Variants in SIN3A observed in about 807,000 individuals in gnomAD.
The protein encoded by SIN3A is paired amphipathic helix protein Sin3a.
Under a neutral mutation model 146.1 loss-of-function variants are expected in SIN3A, and 14 were observed. The observed-to-expected ratio is 0.10, with a 90% confidence interval of 0.06 to 0.15. The LOEUF (loss-of-function observed/expected upper bound fraction) is 0.15, where lower values mean the gene tolerates loss of function less well. Ranked by LOEUF, SIN3A falls within the 10% of genes least tolerant of loss-of-function variation. SIN3A has a pLI of 1.00. For synonymous variants in SIN3A, 572 were observed against 572.0 expected, an observed-to-expected ratio of 1.00 and a Z score of 0.00; for missense variants, 1,028 against 1,576.0, an observed-to-expected ratio of 0.65 and a Z score of 5.89.
intron 14 of SIN3A, among the ~76,000 whole-genome samples, chr15:75,394,204 C>G (rs1039406411): frequency 2.0e-5 from 3 of 152,162 alleles, no homozygotes; most frequent in African/African-American, 7.2e-5. Flanking sequence ...TGTTTCTATC[C>G]ATCTCCTAAA....
chr15:75,428,126 T>C (rs2073958686), intron 2 of SIN3A, among the ~76,000 whole-genome samples: 1 of 152,150 alleles, frequency 6.6e-6, no homozygotes, highest in Non-Finnish European at 1.5e-5. Flanking sequence ...GGTCAGGACA[T>C]AGAACAGGAA....
chr15:75,404,537 G>T (rs2073471505), intron 9 of SIN3A, among the ~76,000 whole-genome samples: 2 of 152,266 alleles, frequency 1.3e-5, no homozygotes, highest in East Asian at 3.9e-4. Flanking sequence ...AAGGCAGGCG[G>T]ATCACCTGAG....
intron 1 of SIN3A, among the ~76,000 whole-genome samples, chr15:75,433,703 G>A (rs1188189647): frequency 1.3e-5 from 2 of 151,932 alleles, no homozygotes; most frequent in Admixed American, 6.6e-5. Context: ...CTAGCTACTC[G>A]GGAGGCTGAG....
intron 2 of SIN3A, among the ~76,000 whole-genome samples, chr15:75,427,489 A>T (rs2073945137): frequency 6.6e-6 from 1 of 151,364 alleles, no homozygotes; most frequent in Admixed American, 6.6e-5. Context: ...GCGAAACCCC[A>T]TCTCCACTAA....
intron 5 of SIN3A, among the ~76,000 whole-genome samples, chr15:75,412,470 C>T (rs2073658766): frequency 6.6e-6 from 1 of 152,248 alleles, no homozygotes; most frequent in African/African-American, 2.4e-5. Flanking sequence ...TCTGTGCTGT[C>T]AACTACTACT....
rs933801319 is a variant in SIN3A, at chr15:75,371,698, T to G, written c.*281A>C. ...GCTCTGCTGGTGTGTGCAAGCAAAC[T>G]GCATGTCTTTGCTTGCATGGACTTC... On this transcript the variant is annotated 3_prime_UTR_variant, in exon 21 of 21. Transcript: ENST00000394947. 2 of 434,818 alleles carry G rather than the reference T, an allele frequency of 4.6e-6. No individual in the cohort carries two copies. Among genetic ancestry groups the G allele is most frequent in the Non-Finnish European group, 8.3e-6 (2 of 242,184 alleles). The allele number at this position is 434,818 out of a possible 1,614,324, so 26.9% of individuals were successfully genotyped here.
In SIN3A at chr15:75,376,859, T is replaced by TAAAAAAAAAAAA. The variant is rs200318256; in HGVS notation, c.3384-999_3384-988dup. On this transcript the variant is annotated intron_variant, in intron 19 of 20. Transcript: ENST00000394947. ...TGGGACACAGAGCCAGACACTGTCTTAAAAAAAAAAAAAAAAAAAAAAAAC... is the reference window on the plus strand; with the variant it reads ...TGGGACACAGAGCCAGACACTGTCTTAAAAAAAAAAAAAAAAAAAAAAAAAAAAAAAAAAAAC... 2.2e-3 allele frequency among the ~76,000 whole-genome samples: 258 copies of TAAAAAAAAAAAA among 115,752 alleles called. 5 individuals are homozygous for TAAAAAAAAAAAA. Among genetic ancestry groups the TAAAAAAAAAAAA allele is most frequent in the African/African-American group, 7.8e-3 (246 of 31,432 alleles). 75.9% of individuals were successfully genotyped at this position (115,752 alleles called of 152,430 possible).
rs1264939041 is a variant in SIN3A, at chr15:75,401,736, T to A, written c.1526+116A>T. On this transcript the variant is annotated intron_variant, in intron 10 of 20. Transcript: ENST00000394947. ...CTCAGGACTCTTCTGGCACTAACAT[T>A]TGAGTCAACTGATGTATCTCAAGTA... The A allele has an allele frequency of 6.0e-6, 4 of 663,392 alleles. No homozygotes were observed. In the African/African-American group the frequency reaches 7.2e-5, roughly 12 times the overall value. The allele number at this position is 663,392 out of a possible 1,614,324, so 41.1% of individuals were successfully genotyped here.
intron 5 of SIN3A, among the ~76,000 whole-genome samples, chr15:75,411,999 G>C (rs1318606647): frequency 6.6e-6 from 1 of 152,164 alleles, no homozygotes; most frequent in Middle Eastern, 3.2e-3. Context: ...TTACAGGGAA[G>C]AATTTTTCAT....
chr15:75,411,768 C>T (rs1398542886), intron 5 of SIN3A, 25 bp from the exon 6 acceptor site: 2 of 1,557,706 alleles, frequency 1.3e-6, no homozygotes, highest in Non-Finnish European at 1.7e-6. Flanking sequence ...AATCTTTATT[C>T]TCTTCAGATG....
intron 2 of SIN3A, among the ~76,000 whole-genome samples, chr15:75,427,399 G>C (rs1313078966): frequency 6.6e-6 from 1 of 152,108 alleles, no homozygotes; most frequent in African/African-American, 2.4e-5. Context: ...GCCGGGTGCA[G>C]TGGCTCACGC....
At chr15:75,426,602 T>C (rs2073929807) in intron 2 of SIN3A, among the ~76,000 whole-genome samples, 1 of 152,052 alleles carries the variant, frequency 6.6e-6, no homozygotes, top group African/African-American at 2.4e-5. Context: ...AACAGCACAA[T>C]AGTATGTAAT....
intron 19 of SIN3A, among the ~76,000 whole-genome samples, chr15:75,376,646 CAGG>C (rs1422198807): frequency 1.3e-5 from 2 of 151,022 alleles, no homozygotes; most frequent in Non-Finnish European, 2.9e-5. Context: ...TGCTTGAGCT[CAGG>C]AGTTTGAGAC....
At chr15:75,411,144 T>C (rs1408544566) in intron 6 of SIN3A, among the ~76,000 whole-genome samples, 2 of 152,150 alleles carry the variant, frequency 1.3e-5, no homozygotes, top group Non-Finnish European at 2.9e-5. Context: ...CTAGCCAACA[T>C]AGTGAAATCC....
chr15:75,403,000 C>T (rs752970290), intron 9 of SIN3A, among the ~76,000 whole-genome samples: 10 of 152,048 alleles, frequency 6.6e-5, no homozygotes, highest in Non-Finnish European at 1.2e-4. Context: ...AAGGTATCTG[C>T]GATTTGTCTC....
intron 1 of SIN3A, among the ~76,000 whole-genome samples, chr15:75,448,841 A>C (rs774844370): frequency 3.3e-5 from 5 of 152,204 alleles, no homozygotes; most frequent in Non-Finnish European, 5.9e-5. Context: ...CTTCACCAGG[A>C]ATCTTGTCAA....
chr15:75,413,639 G>A (rs2073684112), intron 4 of SIN3A, among the ~76,000 whole-genome samples: 1 of 151,050 alleles, frequency 6.6e-6, no homozygotes, highest in East Asian at 2.0e-4. Context: ...CGCCTCCTGG[G>A]TTCAAGCAAT....
At chr15:75,438,525 A>G (rs1337077236) in intron 1 of SIN3A, among the ~76,000 whole-genome samples, 2 of 152,028 alleles carry the variant, frequency 1.3e-5, no homozygotes, top group Non-Finnish European at 2.9e-5. Context: ...CTCTACAAAA[A>G]AATTTTATTA....
chr15:75,403,744 C>A (rs183782765), intron 9 of SIN3A, among the ~76,000 whole-genome samples: 2 of 152,186 alleles, frequency 1.3e-5, no homozygotes, highest in Admixed American at 6.5e-5. Context: ...CGGGGTTTCA[C>A]CATGTTGGCC....
Sources: allele counts gnomAD v4.1 joint callset (sites outside exome capture counted in the v4.1 genomes callset), GRCh38; gene constraint gnomAD v4.1.1; transcripts MANE v1.5; gene names NCBI Gene and HGNC (gene_info 2026-07-23, HGNC 2026-07-21).